GNG2: variants seen among roughly 807,000 people sequenced by gnomAD.
The protein encoded by GNG2 is G protein subunit gamma 2, also known as guanine nucleotide-binding protein G(I)/G(S)/G(O) subunit gamma-2.
A neutral mutation model predicts 5.5 loss-of-function variants in GNG2; 5 were observed. The observed-to-expected ratio is 0.91, with a 90% CI of 0.48 to 1.92. The LOEUF (loss-of-function observed/expected upper bound fraction) is 1.92. Ranked by LOEUF, GNG2 falls within the 30% of genes most tolerant of loss-of-function variation. The pLI, the probability that GNG2 is intolerant of heterozygous loss-of-function variation, is 0.01. For synonymous variants in GNG2, 28 were observed against 32.0 expected, an observed-to-expected ratio of 0.88 and a Z score of 0.42; for missense variants, 55 against 88.4, an observed-to-expected ratio of 0.62 and a Z score of 1.52.
intron 1 of GNG2, among the ~76,000 whole-genome samples, chr14:51,827,274 A>G (rs1311292901): frequency 1.3e-5 from 2 of 152,202 alleles, no homozygotes; most frequent in East Asian, 3.8e-4. Flanking sequence ...TTGGGCACAT[A>G]CACTAGAACA....
intron 2 of GNG2, among the ~76,000 whole-genome samples, chr14:51,924,450 C>CTATATTTATATTTATAATATAAAATAT (rs1887195261): frequency 6.6e-6 from 1 of 152,126 alleles, no homozygotes; most frequent in Non-Finnish European, 1.5e-5. Flanking sequence ...AAATATAAAA[C>CTATATTTATATTTATAATATAAAATAT]ATTTAGGAAG....
chr14:51,926,577 A>G (rs1051702619), intron 2 of GNG2, among the ~76,000 whole-genome samples: 3 of 152,320 alleles, frequency 2.0e-5, no homozygotes, highest in Admixed American at 6.5e-5. Flanking sequence ...ACAGCCAAGC[A>G]TAAAGAGACT....
At chr14:51,917,030 T>G (rs1036088187) in intron 2 of GNG2, among the ~76,000 whole-genome samples, 1 of 152,124 alleles carries the variant, frequency 6.6e-6, no homozygotes, top group Non-Finnish European at 1.5e-5. Context: ...CAGGGCTGGC[T>G]TGGGCACTGG....
chr14:51,890,803 A>G (rs1485553288), intron 2 of GNG2, among the ~76,000 whole-genome samples: 1 of 152,204 alleles, frequency 6.6e-6, no homozygotes, highest in Admixed American at 6.5e-5. Context: ...TTCAATATTT[A>G]TAGGTTCTTA....
In GNG2 at chr14:51,929,951, T is replaced by C. The variant is rs1034668711; in HGVS notation, c.-29-20699T>C. ...GTCAGCCAAAAGAAAATATATCACC[T>C]TAATTTTAAGTTCACCGGTAATAAA... On this transcript the variant is annotated intron_variant, in intron 2 of 3. Coordinates refer to ENST00000556766, the MANE Select transcript of GNG2 (RefSeq NM_053064.5). 2.6e-5 allele frequency among the ~76,000 whole-genome samples: 4 copies of C among 152,310 alleles called. No homozygotes were observed. In the East Asian group the frequency reaches 7.7e-4, roughly 29 times the overall value.
chr14:51,845,148 A>G (rs1288646255), intron 2 of GNG2, among the ~76,000 whole-genome samples: 4 of 152,168 alleles, frequency 2.6e-5, no homozygotes, highest in East Asian at 1.9e-4. Context: ...CTGTTTCTCT[A>G]TGGGCTAAAT....
chr14:51,884,334 A>T (rs1884296452), intron 2 of GNG2, among the ~76,000 whole-genome samples: 1 of 152,230 alleles, frequency 6.6e-6, no homozygotes, highest in African/African-American at 2.4e-5. Flanking sequence ...TAACATTTAT[A>T]TGCGGAACTT....
chr14:51,946,298 A>T (rs1888640057), intron 2 of GNG2, among the ~76,000 whole-genome samples: 1 of 152,198 alleles, frequency 6.6e-6, no homozygotes, highest in African/African-American at 2.4e-5. Context: ...TGAAAAATAG[A>T]TGTGGGCAAA....
At chr14:51,852,533 G>A (rs1329567783) in intron 2 of GNG2, among the ~76,000 whole-genome samples, 1 of 152,230 alleles carries the variant, frequency 6.6e-6, no homozygotes, top group Non-Finnish European at 1.5e-5. Context: ...TGAAGAAGTG[G>A]TAATTTGTCG....
intron 2 of GNG2, among the ~76,000 whole-genome samples, chr14:51,932,921 T>G (rs1040488500): frequency 4.6e-5 from 7 of 152,044 alleles, no homozygotes; most frequent in African/African-American, 1.7e-4. Context: ...CTAAATCCAG[T>G]CCTAAGTATC....
At chr14:51,931,782 C>T (rs891439974) in intron 2 of GNG2, among the ~76,000 whole-genome samples, 5 of 152,064 alleles carry the variant, frequency 3.3e-5, no homozygotes, top group African/African-American at 1.2e-4. Flanking sequence ...ATGGAGGTTC[C>T]TCAAAAAAGT....
chr14:51,892,089 C>T (rs1884893446), intron 2 of GNG2, among the ~76,000 whole-genome samples: 1 of 147,572 alleles, frequency 6.8e-6, no homozygotes, highest in Non-Finnish European at 1.5e-5. Flanking sequence ...ACAGAACAGT[C>T]ATTCAGTTCT....
At chr14:51,894,648 T>G (rs951314577) in intron 2 of GNG2, among the ~76,000 whole-genome samples, 8 of 142,890 alleles carry the variant, frequency 5.6e-5, no homozygotes, top group Non-Finnish European at 7.5e-5. Context: ...TACATTTCAG[T>G]TTTTTTTTAA....
intron 2 of GNG2, among the ~76,000 whole-genome samples, chr14:51,922,079 C>T (rs1887045993): frequency 6.6e-6 from 1 of 152,170 alleles, no homozygotes; most frequent in Non-Finnish European, 1.5e-5. Context: ...ACTAATAAGA[C>T]TTTTACATTT....
chr14:51,849,194 T>C (rs1239151935), intron 2 of GNG2, among the ~76,000 whole-genome samples: 1 of 152,126 alleles, frequency 6.6e-6, no homozygotes, highest in African/African-American at 2.4e-5. Context: ...TTGGTGCTGG[T>C]TGTTGACAGG....
At chr14:51,955,737 T>C (rs140268190) in intron 3 of GNG2, among the ~76,000 whole-genome samples, 77 of 152,364 alleles carry the variant, frequency 5.1e-4, no homozygotes, top group African/African-American at 1.8e-3. Context: ...TAAAGAAAGA[T>C]AAATTGTTTC....
chr14:51,950,636 G>T lies in GNG2; in HGVS notation c.-29-14G>T, dbSNP rs758549985. On this transcript the variant is annotated splice_polypyrimidine_tract_variant and intron_variant, in intron 2 of 3. Transcript: ENST00000556766. ...AATTCTCTGGTACAATCTTCTTTTT[G>T]TTTTCTTTTCTAGTGTTTCTGAAAG... The T allele has an allele frequency of 1.4e-6, 2 of 1,451,546 alleles. No homozygotes were observed. The highest frequency in any genetic ancestry group is 3.6e-5 in the Admixed American group (2 of 55,734). The allele number at this position is 1,451,546 out of a possible 1,614,324, so 89.9% of individuals were successfully genotyped here. A position where few individuals can be genotyped will look rare whatever the true frequency, so the allele number is the denominator to read the frequency against.
At chr14:51,851,207 C>T (rs1881892294) in intron 2 of GNG2, among the ~76,000 whole-genome samples, 1 of 152,188 alleles carries the variant, frequency 6.6e-6, no homozygotes, top group Non-Finnish European at 1.5e-5. Flanking sequence ...AAACCAGCCC[C>T]TTAGCTTATA....
chr14:51,831,444 A>C (rs1881184962), intron 2 of GNG2, among the ~76,000 whole-genome samples: 1 of 152,208 alleles, frequency 6.6e-6, no homozygotes, highest in East Asian at 1.9e-4. Context: ...TTTTCACATG[A>C]AAGGATGATA....
Sources: gnomAD v4.1 joint callset for allele counts (sites outside exome capture counted in the v4.1 genomes callset) on GRCh38, gnomAD v4.1.1 for gene constraint, MANE v1.5 for transcripts, NCBI Gene and HGNC (gene_info 2026-07-23, HGNC 2026-07-21) for gene names.